Variants in GMIP observed in about 807,000 individuals in gnomAD.
GMIP encodes GEM-interacting protein.
Under a neutral mutation model 105.3 loss-of-function variants are expected in GMIP, and 54 were observed. The ratio of observed to expected loss-of-function variants is 0.51; its 90% CI spans 0.41 to 0.64. The LOEUF (loss-of-function observed/expected upper bound fraction) is 0.64. Among genes scored for constraint, GMIP ranks in the 30% least tolerant of loss-of-function variants. GMIP has a pLI of 0.00. For synonymous variants in GMIP, 541 were observed against 560.8 expected (o/e 0.96, Z 0.50); for missense variants, 1,110 against 1,319.4 (o/e 0.84, Z 2.46).
At chr19:19,639,705 C>T (rs1371386188) in intron 7 of GMIP, among the ~76,000 whole-genome samples, 2 of 151,680 alleles carry the variant, frequency 1.3e-5, no homozygotes, top group South Asian at 2.1e-4. Context: ...AAAAATTAGC[C>T]GGGCGTGGTG....
rs1156837244 is a variant in GMIP at position 19,637,567 on chromosome 19, G to T, written c.928-6C>A. ...CCGAAGAGACTCAGCGTCACCTGCC[G>T]GGTGGAGACAGCAGGTTGGGGAGGG... On this transcript the variant is annotated splice_polypyrimidine_tract_variant and splice_region_variant and intron_variant, in intron 10 of 20. Transcript: ENST00000203556. The surrounding 1 kb of genome is among the most constrained non-coding windows in gnomAD (Gnocchi z 6.7). 5.9e-6 allele frequency: 9 copies of T among 1,515,546 alleles called. No individual in the cohort carries two copies. The highest frequency in any genetic ancestry group is 7.9e-6 in the Non-Finnish European group (9 of 1,138,262). The allele number at this position is 1,515,546 out of a possible 1,614,324, so 93.9% of individuals were successfully genotyped here.
chr19:19,638,140 C>T lies in GMIP; in HGVS notation c.789+19G>A. On this transcript the variant is annotated intron_variant, in intron 9 of 20. Coordinates refer to ENST00000203556, the MANE Select transcript of GMIP (RefSeq NM_016573.4). ...AGGGGGCGCCACAGCGCTACAGGGG[C>T]TCGGGGCCGGGTGCCCACCTTGGCC... The T allele has an allele frequency of 6.4e-7, 1 of 1,573,640 alleles. No individual in the cohort carries two copies. Among genetic ancestry groups the T allele is most frequent in the African/African-American group, 1.3e-5 (1 of 74,468 alleles).
intron 6 of GMIP, 46 bp downstream of exon 6, chr19:19,640,250 G>A (rs1312892843): frequency 5.0e-6 from 8 of 1,588,128 alleles, no homozygotes; most frequent in Non-Finnish European, 6.9e-6. Context: ...ACAAAGGTGG[G>A]GTTCTAGGGG....
At chr19:19,632,890 G>GCCTGGAACACCCTTCA (rs1200182270) in intron 19 of GMIP, among the ~76,000 whole-genome samples, 1 of 152,038 alleles carries the variant, frequency 6.6e-6, no homozygotes, top group Non-Finnish European at 1.5e-5. Context: ...TGTTCCCTTT[G>GCCTGGAACACCCTTCA]CCTGGAACAC....
At chr19:19,632,185 T>C (rs2061803385) in intron 19 of GMIP, among the ~76,000 whole-genome samples, 1 of 152,026 alleles carries the variant, frequency 6.6e-6, no homozygotes, top group Non-Finnish European at 1.5e-5. Flanking sequence ...TCCCAACTAC[T>C]CTGGAGGCTG....
Position 19,637,359 on chromosome 19 carries a change from A to T in GMIP, c.1124+6T>A. The T allele has an allele frequency of 6.7e-7, 1 of 1,483,700 alleles. No homozygotes were observed. The highest frequency in any genetic ancestry group is 9.0e-7 in the Non-Finnish European group (1 of 1,116,228). 91.9% of individuals were successfully genotyped at this position (1,483,700 alleles called of 1,614,324 possible). A position where few individuals can be genotyped will look rare whatever the true frequency, so the allele number is the denominator to read the frequency against. On this transcript the variant is annotated splice_donor_region_variant and intron_variant, in intron 11 of 20. Transcript: ENST00000203556. The surrounding 1 kb of genome is among the most constrained non-coding windows in gnomAD (Gnocchi z 6.7). ...TCGTTCCCGACTCCCTGCTCCAGTGACCCACCTGTTCAAGGAGGGAAGGAA... is the reference window on the plus strand; with the variant it reads ...TCGTTCCCGACTCCCTGCTCCAGTGTCCCACCTGTTCAAGGAGGGAAGGAA...
chr19:19,638,161 T>A lies in GMIP; in HGVS notation c.787A>T (p.Lys263Ter). Reference protein sequence around the residue: ...RRRSREEAQAKAQEAEALYQA... With the variant: ...RRRSREEAQA ...GGGGCTCGGGGCCGGGTGCCCACCT[T>A]GGCCTGGGCCTCCTCTCGCGAGCGC... The change falls in exon 9 of 21, where the codon AAG (lysine) becomes TAG (stop). Residue 263 changes from lysine to a stop codon, truncating the protein, a stop_gained and splice_region_variant. Coordinates refer to ENST00000203556, the MANE Select transcript of GMIP (RefSeq NM_016573.4). LOFTEE classifies it high-confidence loss of function. The A allele has an allele frequency of 6.3e-7, 1 of 1,581,948 alleles. No homozygotes were observed.
Position 19,634,173 on chromosome 19 carries a change from A to G in GMIP, c.2102T>C (p.Met701Thr), listed in dbSNP as rs1349790698. Residue 701 changes from methionine to threonine, a missense_variant, in exon 19 of 21, where the codon ATG becomes ACG. This residue lies in a region of GMIP where 394 missense variants were observed against 450.5 expected (regional missense o/e 0.87). Transcript: ENST00000203556. The surrounding 1 kb of genome is among the most constrained non-coding windows in gnomAD (Gnocchi z 6.1). ...AHLFRVAARF[M>T]ENKMSANNLG... ...GTTGTTGGCAGACATCTTGTTTTCC[A>G]TAAATCGTGCAGCCACCCTGGGGAT... The G allele has an allele frequency of 5.0e-6, 8 of 1,600,820 alleles. No individual in the cohort carries two copies. In the South Asian group the frequency reaches 5.5e-5, roughly 11 times the overall value.
chr19:19,637,909 A>T lies in GMIP; in HGVS notation c.927+11T>A, dbSNP rs776687794. 1.3e-6 allele frequency: 2 copies of T among 1,590,180 alleles called. No individual in the cohort carries two copies. Among genetic ancestry groups the T allele is most frequent in the East Asian group, 4.5e-5 (2 of 44,562 alleles). ...GGGTGAGGGGAGGATGGCCTTGGGG[A>T]TGGGCCTCACCCGCCTCAGCACTTC... On this transcript the variant is annotated intron_variant, in intron 10 of 20. Coordinates refer to ENST00000203556, the MANE Select transcript of GMIP (RefSeq NM_016573.4). This position sits in a 1 kb window ranked among gnomAD's most constrained non-coding sequence, Gnocchi z 6.7.
At position 19,629,996 on chromosome 19, in the gene GMIP, G is replaced by A. The variant is rs1260183925; in HGVS notation, c.2880C>T (p.Asp960=). The A allele has an allele frequency of 2.5e-6, 4 of 1,608,918 alleles. No homozygotes were observed. Among genetic ancestry groups the A allele is most frequent in the African/African-American group, 1.3e-5 (1 of 74,888 alleles). Residue 960 remains aspartate (D), a synonymous_variant, in exon 21 of 21, where the codon GAC becomes GAT. Transcript: ENST00000203556. ...EAVPRATCCP[D]VQPEEAEDHL ...GGTCCTCGGCTTCCTCAGGCTGGAC[G>A]TCCGGGCAGCAGGTGGCCCTGGGCA...
chr19:19,634,056 C>T lies in GMIP; in HGVS notation c.2219G>A (p.Gly740Glu). The T allele has an allele frequency of 6.2e-7, 1 of 1,613,556 alleles. No individual in the cohort carries two copies. The highest frequency in any genetic ancestry group is 1.3e-5 in the African/African-American group (1 of 75,048). The change falls in exon 19 of 21, where the codon GGG (glycine) becomes GAG (glutamate). Residue 740 changes from glycine to glutamate, a missense_variant. Transcript: ENST00000203556. The surrounding 1 kb of genome is among the most constrained non-coding windows in gnomAD (Gnocchi z 6.1). ...GAACTCCACAAGCTGGGCCTGATGCCCAGAGTCCAGCAGGCAGGTGACAGG... is the reference window on the plus strand; with the variant it reads ...GAACTCCACAAGCTGGGCCTGATGCTCAGAGTCCAGCAGGCAGGTGACAGG... The part of the protein sequence containing the change: ...AIPVTCLLDS[G>E]HQAQLVEFLI...
intron 7 of GMIP, 126 bp from the exon 8 acceptor site, chr19:19,638,608 G>A: frequency 2.7e-6 from 2 of 729,922 alleles, no homozygotes; most frequent in Non-Finnish European, 4.5e-6. Context: ...TTTTTTTCGA[G>A]ACGGAGTTTT....
At position 19,634,520 on chromosome 19, in the gene GMIP, C is replaced by T. The variant is rs771824142; in HGVS notation, c.2071G>A (p.Ala691Thr). The change falls in exon 18 of 21, where the codon GCC (alanine) becomes ACC (threonine). Residue 691 changes from alanine to threonine, a missense_variant. Transcript: ENST00000203556. The surrounding 1 kb of genome is among the most constrained non-coding windows in gnomAD (Gnocchi z 6.1). ...SNYNTLRHLV[A>T]HLFRVAARFM... ...ACCCATGCACACCTGAACAGATGGG[C>T]CACCAGGTGCCGCAGGGTGTTGTAG... 1 of 1,610,370 alleles carries T rather than the reference C, an allele frequency of 6.2e-7. No individual in the cohort carries two copies. The highest frequency in any genetic ancestry group is 1.7e-5 in the Admixed American group (1 of 58,452).
rs2061847272 is a variant in GMIP, at chr19:19,635,723, T to C, written c.1328-2A>G. On this transcript the variant is annotated splice_acceptor_variant, in intron 13 of 20. Transcript: ENST00000203556. LOFTEE classifies it high-confidence loss of function. The surrounding 1 kb of genome is among the most constrained non-coding windows in gnomAD (Gnocchi z 4.7). Reference sequence around the variant, plus strand: ...TCACCAGCTGCCTCGTGCCAGCGCCTGGGGTCAGAGGAATCATGGGAGATT... The same window carrying C: ...TCACCAGCTGCCTCGTGCCAGCGCCCGGGGTCAGAGGAATCATGGGAGATT... 1 of 1,613,390 alleles carries C rather than the reference T, an allele frequency of 6.2e-7. No homozygotes were observed. Among genetic ancestry groups the C allele is most frequent in the Non-Finnish European group, 8.5e-7 (1 of 1,179,526 alleles).
Position 19,637,468 on chromosome 19 carries a change from G to A in GMIP, c.1021C>T (p.Pro341Ser), listed in dbSNP as rs1271998318. The change falls in exon 11 of 21, where the codon CCG (proline) becomes TCG (serine). Residue 341 changes from proline to serine, a missense_variant. Physicochemically the swap from Pro to Ser is moderately conservative, Grantham distance 74. Around this residue, in one of 3 missense-constraint regions of GMIP, gnomAD observed 667 missense variants for 773.2 expected, o/e 0.86. Transcript: ENST00000203556. The surrounding 1 kb of genome is among the most constrained non-coding windows in gnomAD (Gnocchi z 6.7). ...ALAECCAPFE[P>S]GQRYQEFVRA... is the part of the protein sequence containing the mutation. ...ACAAACTCCTGGTAGCGCTGGCCCG[G>A]CTCAAAGGGCGCACAGCACTCGGCC... 2 of 1,533,082 alleles carry A rather than the reference G, an allele frequency of 1.3e-6. No homozygotes were observed. The highest frequency in any genetic ancestry group is 2.1e-5 in the Admixed American group (1 of 47,012). The allele number at this position is 1,533,082 out of a possible 1,614,324, so 95.0% of individuals were successfully genotyped here.
At position 19,637,118 on chromosome 19, in the gene GMIP, A is replaced by C; in HGVS notation, c.1125-89T>G. On this transcript the variant is annotated intron_variant, in intron 11 of 20. Coordinates refer to ENST00000203556, the MANE Select transcript of GMIP (RefSeq NM_016573.4). This position sits in a 1 kb window ranked among gnomAD's most constrained non-coding sequence, Gnocchi z 6.7. ...GCATCATGTCTAGGTACCAACTCCA[A>C]GCACTTGGGTCTGCAAACCCTGACA... The C allele has an allele frequency of 1.2e-6, 1 of 864,392 alleles. No homozygotes were observed. The highest frequency in any genetic ancestry group is 2.7e-5 in the East Asian group (1 of 37,624). The allele number at this position is 864,392 out of a possible 1,614,324, so 53.5% of individuals were successfully genotyped here.
At chr19:19,631,092 T>C (rs1354528894) in intron 19 of GMIP, among the ~76,000 whole-genome samples, 3 of 152,208 alleles carry the variant, frequency 2.0e-5, no homozygotes. Flanking sequence ...TCCCAGCTAC[T>C]AGGGAGGCTG....
In GMIP at chr19:19,640,074, GC is replaced by G. The variant is rs746635325; in HGVS notation, c.537+10del. On this transcript the variant is annotated intron_variant, in intron 7 of 20. Coordinates refer to ENST00000203556, the MANE Select transcript of GMIP (RefSeq NM_016573.4). ...GGTGACCTCTGTAACATTCCACCCT[GC>G]CCCCCTCACCTGGTAGTAGTCTCTT... The G allele has an allele frequency of 1.3e-5, 20 of 1,489,998 alleles. No individual in the cohort carries two copies. The highest frequency in any genetic ancestry group is 2.8e-5 in the African/African-American group (2 of 72,606). The allele number at this position is 1,489,998 out of a possible 1,614,324, so 92.3% of individuals were successfully genotyped here. A position where few individuals can be genotyped will look rare whatever the true frequency, so the allele number is the denominator to read the frequency against.
Position 19,629,871 on chromosome 19 carries a change from C to T in GMIP, c.*92G>A, listed in dbSNP as rs1260869855. 31 of 1,267,156 alleles carry T rather than the reference C, an allele frequency of 2.4e-5. No homozygotes were observed. Among genetic ancestry groups the T allele is most frequent in the East Asian group, 5.0e-5 (2 of 40,148 alleles). 78.5% of individuals were successfully genotyped at this position (1,267,156 alleles called of 1,614,324 possible). A position where few individuals can be genotyped will look rare whatever the true frequency, so the allele number is the denominator to read the frequency against. On this transcript the variant is annotated 3_prime_UTR_variant, in exon 21 of 21. Transcript: ENST00000203556. ...ACCTCTCCCAGCATTGAACTCCTGG[C>T]GGGGTGTTTGGCCACTAGGTGGTGG... is the stretch of plus-strand genomic sequence containing the variant.
Sources: allele counts gnomAD v4.1 joint callset (sites outside exome capture counted in the v4.1 genomes callset), GRCh38; gene constraint gnomAD v4.1.1; regional missense constraint gnomAD v4.1.1; non-coding constraint Gnocchi (gnomAD v3.1); transcripts MANE v1.5; gene names NCBI Gene and HGNC (gene_info 2026-07-23, HGNC 2026-07-21).